The following EPS15L1 variants were observed in gnomAD, a reference collection of about 807,000 sequenced individuals.
EPS15L1 encodes epidermal growth factor receptor substrate 15-like 1.
EPS15L1 carries 43 observed loss-of-function variants against 117.1 expected under a neutral mutation model. The observed-to-expected ratio is 0.37, with a 90% CI of 0.29 to 0.47. EPS15L1 has a LOEUF of 0.47. Ranked by LOEUF, EPS15L1 falls within the 20% of genes least tolerant of loss-of-function variation. The pLI, the probability that EPS15L1 is intolerant of heterozygous loss-of-function variation, is 0.99. For synonymous variants in EPS15L1, 459 were observed against 470.5 expected (o/e 0.98, Z 0.32); for missense variants, 981 against 1,164.0 (o/e 0.84, Z 2.29).
intron 10 of EPS15L1, among the ~76,000 whole-genome samples, chr19:16,418,536 C>A (rs2092782802): frequency 1.3e-5 from 2 of 152,348 alleles, no homozygotes; most frequent in South Asian, 4.1e-4. Context: ...ATGGCCCCGG[C>A]TACTGGCCTT....
intron 1 of EPS15L1, among the ~76,000 whole-genome samples, chr19:16,470,335 T>C (rs2093337690): frequency 6.6e-6 from 1 of 151,544 alleles, no homozygotes; most frequent in Admixed American, 6.6e-5. Context: ...TACAGTGAGC[T>C]GAGATCATGC....
intron 21 of EPS15L1, among the ~76,000 whole-genome samples, chr19:16,378,439 C>A (rs2092323125): frequency 6.6e-6 from 1 of 152,134 alleles, no homozygotes; most frequent in Non-Finnish European, 1.5e-5. Flanking sequence ...CCCACCTCGT[C>A]CACCAGGAAC....
Position 16,361,874 on chromosome 19 carries a change from A to G in EPS15L1, c.2491T>C (p.Phe831Leu), listed in dbSNP as rs377089622. 7 of 1,614,004 alleles carry G rather than the reference A, an allele frequency of 4.3e-6. No individual in the cohort carries two copies. In the African/African-American group the frequency reaches 9.3e-5, roughly 22 times the overall value. Reference protein sequence around the residue: ...SGDPFQSKKGFGDPFSGKDPF... With the variant: ...SGDPFQSKKGLGDPFSGKDPF... The stretch of plus-strand genomic sequence containing the variant: ...TCTTTTCCACTAAACGGGTCCCCAA[A>G]CCCCTTTTTACTTTGGAACGGGTCG... Residue 831 changes from phenylalanine to leucine, a missense_variant, in exon 23 of 24, where the codon TTT (phenylalanine) becomes CTT (leucine). Coordinates refer to ENST00000455140, the MANE Select transcript of EPS15L1 (RefSeq NM_001258374.3).
At position 16,402,358 on chromosome 19, in the gene EPS15L1, C is replaced by A; in HGVS notation, c.1754G>T (p.Gly585Val). The A allele has an allele frequency of 1.2e-6, 2 of 1,613,910 alleles. No individual in the cohort carries two copies. The highest frequency in any genetic ancestry group is 1.7e-6 in the Non-Finnish European group (2 of 1,179,922). ...ACTGCCCCTCTCTGCCAGGGAGACG[C>A]CTTCGCTCAGGTTGGCCAGGTCGGT... ...SLTDLANLSEGVSLAERGSFG... is the reference protein window; with the variant it reads ...SLTDLANLSEVVSLAERGSFG... The change falls in exon 16 of 24, where the codon GGC becomes GTC. Residue 585 changes from glycine (G) to valine (V), a missense_variant. Physicochemically the swap from Gly to Val is moderately radical, Grantham distance 109. Around this residue, in one of 5 missense-constraint regions of EPS15L1, gnomAD observed 819 missense variants for 949.0 expected, o/e 0.86. Transcript: ENST00000455140.
chr19:16,421,586 A>G, intron 9 of EPS15L1, 110 bp from the exon 10 acceptor site: 2 of 1,155,314 alleles, frequency 1.7e-6, no homozygotes, highest in South Asian at 2.9e-5. Flanking sequence ...TTTGGCATCA[A>G]ACTCTCCTCA....
At chr19:16,389,851 C>T (rs2092458838) in intron 19 of EPS15L1, among the ~76,000 whole-genome samples, 1 of 152,018 alleles carries the variant, frequency 6.6e-6, no homozygotes, top group Non-Finnish European at 1.5e-5. Flanking sequence ...TAAAGCTGTA[C>T]ATGATATTTC....
chr19:16,441,695 C>G (rs1019657532), intron 3 of EPS15L1, 197 bp downstream of exon 3: 3 of 400,258 alleles, frequency 7.5e-6, no homozygotes, highest in Non-Finnish European at 1.4e-5. Context: ...GGTTTCTTAT[C>G]TGCTACCAAA....
chr19:16,361,561 T>TC, intron 23 of EPS15L1: 4 of 1,306,634 alleles, frequency 3.1e-6, no homozygotes, highest in Non-Finnish European at 3.9e-6. Context: ...CGTGCCCTTA[T>TC]GATAGAGCAT....
In EPS15L1 at chr19:16,355,610, C is replaced by A; in HGVS notation, c.*95G>T. 7.1e-7 allele frequency: 1 copy of A among 1,403,888 alleles called. No individual in the cohort carries two copies. The highest frequency in any genetic ancestry group is 9.5e-7 in the Non-Finnish European group (1 of 1,051,688). The allele number at this position is 1,403,888 out of a possible 1,614,324, so 87.0% of individuals were successfully genotyped here. On this transcript the variant is annotated 3_prime_UTR_variant, in exon 24 of 24. Coordinates refer to ENST00000455140, the MANE Select transcript of EPS15L1 (RefSeq NM_001258374.3). ...CCCCCGAGTCCCGGTCCTTGGAGTA[C>A]GGTGGCGACGGTGTGTGTGTGTATA...
At chr19:16,461,058 C>T (rs1407862470) in intron 1 of EPS15L1, among the ~76,000 whole-genome samples, 1 of 152,214 alleles carries the variant, frequency 6.6e-6, no homozygotes, top group African/African-American at 2.4e-5. Context: ...GTAATCCCAG[C>T]ACTTTGGGAG....
chr19:16,426,086 C>A (rs576295310), intron 8 of EPS15L1, among the ~76,000 whole-genome samples: 1 of 152,254 alleles, frequency 6.6e-6, no homozygotes, highest in East Asian at 1.9e-4. Context: ...ATGAACTGAG[C>A]ACAGAGGGAA....
At chr19:16,423,497 G>A (rs1244985235) in intron 9 of EPS15L1, among the ~76,000 whole-genome samples, 1 of 152,066 alleles carries the variant, frequency 6.6e-6, no homozygotes, top group Admixed American at 6.5e-5. Flanking sequence ...TTGAGCCCAG[G>A]AGGTTGAGAT....
At chr19:16,396,315 G>T (rs774246358) in intron 16 of EPS15L1, among the ~76,000 whole-genome samples, 22 of 152,304 alleles carry the variant, frequency 1.4e-4, no homozygotes, top group African/African-American at 2.6e-4. Flanking sequence ...AGGTTGGAGT[G>T]CAGTTGCACA....
At position 16,401,749 on chromosome 19, in the gene EPS15L1, T is replaced by A. The variant is rs1488511221; in HGVS notation, c.1791+572A>T. 3.0e-6 allele frequency: 3 copies of A among 985,246 alleles called. No individual in the cohort carries two copies. In the African/African-American group the frequency reaches 5.3e-5, roughly 17 times the overall value. The allele number at this position is 985,246 out of a possible 1,614,324, so 61.0% of individuals were successfully genotyped here. The stretch of plus-strand genomic sequence containing the variant: ...AGGCCTGATCACAACTCCAGGGTCA[T>A]GAGGTCAGAGTAAAGTGCAGAGGTT... On this transcript the variant is annotated intron_variant, in intron 16 of 23. Transcript: ENST00000455140.
intron 12 of EPS15L1, among the ~76,000 whole-genome samples, chr19:16,415,157 C>A (rs1471228921): frequency 6.6e-6 from 1 of 152,160 alleles, no homozygotes; most frequent in Non-Finnish European, 1.5e-5. Context: ...AGAAGGACCC[C>A]AGAGAGCTTC....
At chr19:16,463,386 C>T (rs866194610) in intron 1 of EPS15L1, among the ~76,000 whole-genome samples, 2 of 152,130 alleles carry the variant, frequency 1.3e-5, no homozygotes, top group South Asian at 2.1e-4. Context: ...ATTCCTTTCA[C>T]CCCCAGCCCT....
At chr19:16,432,227 A>G (rs571331529) in intron 7 of EPS15L1, among the ~76,000 whole-genome samples, 7 of 152,330 alleles carry the variant, frequency 4.6e-5, no homozygotes, top group Admixed American at 3.3e-4. Context: ...TGAGGTCAGG[A>G]GTTCAAGACT....
At chr19:16,362,538 T>C (rs1807796044) in intron 22 of EPS15L1, among the ~76,000 whole-genome samples, 1 of 146,764 alleles carries the variant, frequency 6.8e-6, no homozygotes, top group East Asian at 2.0e-4. Context: ...TTTTTTTTTT[T>C]TCAGAGACAG....
intron 22 of EPS15L1, among the ~76,000 whole-genome samples, chr19:16,375,625 C>G (rs539304992): frequency 1.3e-5 from 2 of 152,264 alleles, no homozygotes; most frequent in East Asian, 3.9e-4. Flanking sequence ...AAGGGAGTCC[C>G]TTTGTTGTTT....
Sources: allele counts gnomAD v4.1 joint callset (sites outside exome capture counted in the v4.1 genomes callset), GRCh38; gene constraint gnomAD v4.1.1; regional missense constraint gnomAD v4.1.1; transcripts MANE v1.5; gene names NCBI Gene and HGNC (gene_info 2026-07-23, HGNC 2026-07-21).